WASHC2C: variants seen among roughly 807,000 people sequenced by gnomAD.
WASHC2C encodes the protein WASH complex subunit 2C, also known as Vaccinia Penetration Factor.
Under a neutral mutation model 142.2 loss-of-function variants are expected in WASHC2C, and 73 were observed. That is an observed-to-expected ratio of 0.51 (90% CI 0.43 to 0.62). WASHC2C has a LOEUF of 0.62. Ranked by LOEUF, WASHC2C falls within the 20% of genes least tolerant of loss-of-function variation. The pLI, the probability that WASHC2C is intolerant of heterozygous loss-of-function variation, is 0.00. For synonymous variants in WASHC2C, 337 were observed against 565.5 expected, an observed-to-expected ratio of 0.60 and a Z score of 5.73; for missense variants, 969 against 1,531.7, an observed-to-expected ratio of 0.63 and a Z score of 6.13.
intron 27 of WASHC2C, 69 bp from the exon 28 acceptor site, chr10:45,786,964 CAT>C: frequency 6.2e-7 from 1 of 1,611,730 alleles, no homozygotes; most frequent in Non-Finnish European, 8.5e-7. Flanking sequence ...CGAATCTTGT[CAT>C]GTGTCACAAT....
intron 30 of WASHC2C, among the ~76,000 whole-genome samples, chr10:45,791,617 C>T (rs1273150976): frequency 6.9e-6 from 1 of 145,964 alleles, no homozygotes; most frequent in African/African-American, 2.5e-5. Flanking sequence ...ACGGCAATCT[C>T]GATTGTTTCT....
chr10:45,759,511 T>TC (rs1235898408), intron 17 of WASHC2C, 110 bp downstream of exon 17: 1 of 1,418,212 alleles, frequency 7.1e-7, no homozygotes, highest in Admixed American at 2.2e-5. Flanking sequence ...TGTTAAGTAC[T>TC]CCAGTTCTTT....
chr10:45,734,363 G>C (rs1220251954), intron 3 of WASHC2C, among the ~76,000 whole-genome samples: 5 of 151,134 alleles, frequency 3.3e-5, no homozygotes, highest in African/African-American at 1.2e-4. Context: ...AGATGACTGT[G>C]TGTGTGTGTG....
intron 5 of WASHC2C, among the ~76,000 whole-genome samples, chr10:45,742,181 G>A (rs1438465174): frequency 2.0e-5 from 3 of 152,248 alleles, no homozygotes; most frequent in Middle Eastern, 3.4e-3. Context: ...GTGCTGTTGG[G>A]GCCACAGTCT....
chr10:45,752,323 G>T (rs1400532608), intron 11 of WASHC2C, among the ~76,000 whole-genome samples: 4,105 of 126,646 alleles, frequency 0.032, no homozygotes, highest in Admixed American at 0.075. Context: ...AGTAAATCTA[G>T]ATCCAGGGTG....
At chr10:45,736,405 C>CAAAAAAAA (rs71520974) in intron 3 of WASHC2C, among the ~76,000 whole-genome samples, 9 of 24,558 alleles carry the variant, frequency 3.7e-4, no homozygotes, top group African/African-American at 4.3e-4. Context: ...GACTCCATCT[C>CAAAAAAAA]AAAAAAAAAA....
chr10:45,779,368 A>T (rs1238561474), intron 23 of WASHC2C, among the ~76,000 whole-genome samples: 1 of 148,476 alleles, frequency 6.7e-6, no homozygotes, highest in Non-Finnish European at 1.5e-5. Flanking sequence ...GGATTTACAG[A>T]CCTTGTTGTT....
intron 16 of WASHC2C, among the ~76,000 whole-genome samples, chr10:45,758,963 T>G (rs1284038198): frequency 6.6e-6 from 1 of 151,336 alleles, no homozygotes; most frequent in African/African-American, 2.4e-5. Context: ...TTGTGTCATG[T>G]CCTGGCTGTG....
intron 20 of WASHC2C, among the ~76,000 whole-genome samples, chr10:45,772,546 C>T (rs1381438612): frequency 6.6e-6 from 1 of 151,588 alleles, no homozygotes; most frequent in Non-Finnish European, 1.5e-5. Context: ...AGCGACCTCA[C>T]CTCTCCAAAA....
intron 21 of WASHC2C, among the ~76,000 whole-genome samples, chr10:45,773,892 C>CA (rs71023148): frequency 0.11 from 3,143 of 29,594 alleles, 75 homozygotes; most frequent in Non-Finnish European, 0.14. Flanking sequence ...TACTGCAGGC[C>CA]AAAAAAAAAA....
intron 28 of WASHC2C, among the ~76,000 whole-genome samples, chr10:45,787,473 A>T (rs1158759672): frequency 1.4e-5 from 2 of 140,100 alleles, no homozygotes; most frequent in African/African-American, 5.5e-5. Flanking sequence ...CTCAGTAGCC[A>T]CAGTAACGTC....
intron 3 of WASHC2C, among the ~76,000 whole-genome samples, chr10:45,736,007 A>T (rs1186532741): frequency 6.6e-6 from 1 of 151,978 alleles, no homozygotes; most frequent in African/African-American, 2.4e-5. Flanking sequence ...AATGGCTCAC[A>T]CCTGTAATCC....
chr10:45,766,696 C>T (rs1384149425), intron 19 of WASHC2C, among the ~76,000 whole-genome samples: 2 of 146,462 alleles, frequency 1.4e-5, no homozygotes, highest in Non-Finnish European at 3.0e-5. Flanking sequence ...TGTTTGTGAT[C>T]TGGATAGATA....
Position 45,792,934 on chromosome 10 carries a change from G to C in WASHC2C, c.*534G>C, listed in dbSNP as rs2058459356. 6.4e-6 allele frequency: 3 copies of C among 468,958 alleles called. No homozygotes were observed. The highest frequency in any genetic ancestry group is 8.8e-6 in the Non-Finnish European group (2 of 226,988). 29.0% of individuals were successfully genotyped at this position (468,958 alleles called of 1,614,324 possible). The stretch of plus-strand genomic sequence containing the variant: ...TGTGGCCCCCCCACTGTCATATTTT[G>C]TTAATAAAATTTTATTGGAACACAA... On this transcript the variant is annotated 3_prime_UTR_variant, in exon 31 of 31. Coordinates refer to ENST00000623400, the MANE Select transcript of WASHC2C (RefSeq NM_001330074.2).
At chr10:45,746,458 A>G in intron 7 of WASHC2C, 142 bp from the exon 8 acceptor site, 1 of 984,456 alleles carries the variant, frequency 1.0e-6, no homozygotes, top group South Asian at 1.3e-5. Context: ...GGTGACCAGT[A>G]GTCAGTACAA....
intron 3 of WASHC2C, among the ~76,000 whole-genome samples, chr10:45,730,391 T>C (rs2050412920): frequency 1.3e-5 from 2 of 148,158 alleles, no homozygotes; most frequent in South Asian, 2.2e-4. Context: ...AGTTTTCTGA[T>C]TGTTTACACA....
rs2051419753 is a variant in WASHC2C, at chr10:45,737,584, T to C, written c.292-399T>C. 3.3e-6 allele frequency: 3 copies of C among 911,214 alleles called. No homozygotes were observed. The South Asian group carries it at 5.0e-5, about 15-fold the overall frequency. The allele number at this position is 911,214 out of a possible 1,614,324, so 56.4% of individuals were successfully genotyped here. On this transcript the variant is annotated intron_variant, in intron 3 of 30. Transcript: ENST00000623400. ...TGTTCAAAATCCTGAAGTTCTAGTT[T>C]CCTAGTTGATAAATTACATCAGTTG...
At chr10:45,747,266 G>A (rs1195913220) in intron 8 of WASHC2C, among the ~76,000 whole-genome samples, 7 of 151,674 alleles carry the variant, frequency 4.6e-5, no homozygotes, top group Non-Finnish European at 1.0e-4. Context: ...TCAGCCTCCC[G>A]AGTAGCTGGC....
rs1286811903 is a variant in WASHC2C at position 45,784,293 on chromosome 10, CATATATATATATATAT to C, written c.2479-268_2479-253del. On this transcript the variant is annotated intron_variant, in intron 23 of 30. Transcript: ENST00000623400. Reference sequence around the variant, plus strand: ...ATATATATATATATATATATATACACATATATATATATATATATACACACACATATATATATATATG... The same window carrying C: ...ATATATATATATATATATATATACACATACACACACATATATATATATATG... 5.4e-3 allele frequency among the ~76,000 whole-genome samples: 344 copies of C among 63,626 alleles called. 14 individuals are homozygous for C. The East Asian group carries it at 0.1, about 19-fold the overall frequency. 41.7% of individuals were successfully genotyped at this position (63,626 alleles called of 152,430 possible).
Sources: allele counts gnomAD v4.1 joint callset (sites outside exome capture counted in the v4.1 genomes callset), GRCh38; gene constraint gnomAD v4.1.1; transcripts MANE v1.5; gene names NCBI Gene and HGNC (gene_info 2026-07-23, HGNC 2026-07-21).